Variants in ACSM4 observed in about 807,000 individuals in gnomAD.
ACSM4 encodes acyl-coenzyme A synthetase ACSM4, mitochondrial.
A neutral mutation model predicts 73.0 loss-of-function variants in ACSM4; 66 were observed. That is an observed-to-expected ratio of 0.90 (90% confidence interval 0.74 to 1.11). The LOEUF (loss-of-function observed/expected upper bound fraction) is 1.11. ACSM4 is among the 50% of genes least tolerant of loss of function. ACSM4 has a pLI of 0.00. For missense variants in ACSM4, 645 were observed against 714.4 expected, an observed-to-expected ratio of 0.90 and a Z score of 1.11; for synonymous variants, 222 against 254.0, an observed-to-expected ratio of 0.87 and a Z score of 1.20.
Position 7,328,455 on chromosome 12 carries a change from C to A in ACSM4, c.*82C>A. On this transcript the variant is annotated 3_prime_UTR_variant, in exon 13 of 13. Coordinates refer to ENST00000399422, the MANE Select transcript of ACSM4 (RefSeq NM_001080454.2). ...GTTCCGATAATTCAGCGACTACTCTCTTAAAATGTTTAAGATCTTTCCTGC... is the reference window on the plus strand; with the variant it reads ...GTTCCGATAATTCAGCGACTACTCTATTAAAATGTTTAAGATCTTTCCTGC... The A allele has an allele frequency of 1.8e-6, 2 of 1,083,492 alleles. No individual in the cohort carries two copies. The highest frequency in any genetic ancestry group is 2.5e-6 in the Non-Finnish European group (2 of 793,678). The allele number at this position is 1,083,492 out of a possible 1,614,324, so 67.1% of individuals were successfully genotyped here.
intron 5 of ACSM4, among the ~76,000 whole-genome samples, chr12:7,320,143 T>A (rs778326487): frequency 1.3e-5 from 2 of 152,310 alleles, no homozygotes; most frequent in South Asian, 4.1e-4. Context: ...GGAGGAGCTC[T>A]AAAACATTAG....
chr12:7,328,235 C>T (rs887689463), intron 12 of ACSM4, 52 bp from the exon 13 acceptor site: 9 of 1,402,498 alleles, frequency 6.4e-6, no homozygotes, highest in Non-Finnish European at 8.8e-6. Context: ...ATCGCACGGA[C>T]AATTGGAAGG....
At chr12:7,308,050 GGT>G (rs781263529) in intron 2 of ACSM4, among the ~76,000 whole-genome samples, 6 of 152,090 alleles carry the variant, frequency 3.9e-5, no homozygotes, top group Non-Finnish European at 8.8e-5. Context: ...GCTTAGTTGA[GGT>G]GTGTGTGTAT....
intron 5 of ACSM4, chr12:7,318,408 T>G: frequency 2.0e-6 from 1 of 498,040 alleles, no homozygotes; most frequent in Admixed American, 3.7e-5. Flanking sequence ...CTGCTTCAAA[T>G]AGCTCAGGAT....
rs767738150 is a variant in ACSM4, at chr12:7,304,319, T to C, written c.-13T>C. 6.2e-7 allele frequency: 1 copy of C among 1,613,588 alleles called. No individual in the cohort carries two copies. The highest frequency in any genetic ancestry group is 1.1e-5 in the South Asian group (1 of 91,066). On this transcript the variant is annotated 5_prime_UTR_variant, in exon 1 of 13. Coordinates refer to ENST00000399422, the MANE Select transcript of ACSM4 (RefSeq NM_001080454.2). ...TCTGTGTCCATAGCAGTAGACAAAG[T>C]CCTTTGGGAACCATGAAGATTTTTT...
At chr12:7,306,408 A>G in intron 1 of ACSM4, 125 bp from the exon 2 acceptor site, 2 of 877,894 alleles carry the variant, frequency 2.3e-6, no homozygotes. Flanking sequence ...CTCAAAGACG[A>G]ACTCAGGGCG....
In ACSM4 at chr12:7,322,410, C is replaced by A. The variant is rs1447498493; in HGVS notation, c.1002-8C>A. ...CTTGAAAAGACCCATGCAACTCTGT[C>A]TCTCCAGATATAAATTCAAGAGTCT... On this transcript the variant is annotated splice_polypyrimidine_tract_variant and splice_region_variant and intron_variant, in intron 6 of 12. Transcript: ENST00000399422. The A allele has an allele frequency of 2.5e-6, 4 of 1,613,484 alleles. No individual in the cohort carries two copies. The Admixed American group carries it at 5.0e-5, about 20-fold the overall frequency.
intron 3 of ACSM4, among the ~76,000 whole-genome samples, chr12:7,313,546 G>T (rs1946402316): frequency 6.6e-6 from 1 of 152,222 alleles, no homozygotes; most frequent in Non-Finnish European, 1.5e-5. Flanking sequence ...AAGTATAGAA[G>T]TCCATTAACA....
At chr12:7,311,725 T>TG (rs1351450940) in intron 3 of ACSM4, among the ~76,000 whole-genome samples, 1 of 152,080 alleles carries the variant, frequency 6.6e-6, no homozygotes, top group Non-Finnish European at 1.5e-5. Flanking sequence ...GGGTCTCACT[T>TG]TGTCACCCAG....
Position 7,324,578 on chromosome 12 carries a change from C to G in ACSM4, c.1516C>G (p.Pro506Ala), listed in dbSNP as rs1339517745. 1 of 1,613,816 alleles carries G rather than the reference C, an allele frequency of 6.2e-7. No individual in the cohort carries two copies. Among genetic ancestry groups the G allele is most frequent in the South Asian group, 1.1e-5 (1 of 91,070 alleles). ...AVVESAVVSS[P>A]DQIRGEVVKA... ...TGTTGAATCGGCTGTTGTCAGTAGT[C>G]CAGATCAAATCCGCGGAGAGGTAGA... The change falls in exon 11 of 13, where the codon CCA (proline) becomes GCA (alanine). Residue 506 changes from proline (P) to alanine (A), a missense_variant. Pro to Ala is a conservative substitution (Grantham distance 27). Coordinates refer to ENST00000399422, the MANE Select transcript of ACSM4 (RefSeq NM_001080454.2).
rs963502138 is a variant in ACSM4 at position 7,307,469 on chromosome 12, C to CA, written c.412+734dup. On this transcript the variant is annotated intron_variant, in intron 2 of 12. Transcript: ENST00000399422. Reference sequence around the variant, plus strand: ...CTGAATATATTTGGATTCTCCCTAACAAAAAAAAGATACAACAAGAAGAAA... The same window carrying CA: ...CTGAATATATTTGGATTCTCCCTAACAAAAAAAAAGATACAACAAGAAGAAA... 4.0e-5 allele frequency among the ~76,000 whole-genome samples: 6 copies of CA among 151,544 alleles called. 1 individual carries two copies. Among genetic ancestry groups the CA allele is most frequent in the Non-Finnish European group, 4.4e-5 (3 of 67,810 alleles).
At chr12:7,317,021 C>A in intron 3 of ACSM4, 116 bp from the exon 4 acceptor site, 1 of 1,292,872 alleles carries the variant, frequency 7.7e-7, no homozygotes, top group Non-Finnish European at 1.0e-6. Context: ...GGATTAGGTT[C>A]AGTTCTGTTA....
At chr12:7,324,195 G>A in intron 9 of ACSM4, 78 bp from the exon 10 acceptor site, 3 of 1,530,562 alleles carry the variant, frequency 2.0e-6, no homozygotes, top group Middle Eastern at 2.4e-4. Flanking sequence ...GATGTGTAAT[G>A]TACTAGTCAC....
intron 5 of ACSM4, among the ~76,000 whole-genome samples, chr12:7,320,414 T>C (rs990758300): frequency 5.3e-5 from 8 of 152,206 alleles, no homozygotes; most frequent in African/African-American, 1.9e-4. Context: ...AAGAGGTAAG[T>C]TGTAGCCCTG....
chr12:7,325,397 G>A (rs755185888), intron 11 of ACSM4, among the ~76,000 whole-genome samples: 22 of 152,192 alleles, frequency 1.4e-4, no homozygotes, highest in South Asian at 6.2e-4. Flanking sequence ...CTGTAATCCC[G>A]GCACTTTGGG....
intron 5 of ACSM4, among the ~76,000 whole-genome samples, chr12:7,320,017 C>G (rs1236706387): frequency 6.6e-6 from 1 of 152,198 alleles, no homozygotes; most frequent in East Asian, 1.9e-4. Context: ...AAACATCATA[C>G]TTTATCTGTG....
chr12:7,315,525 T>C (rs1244664855), intron 3 of ACSM4, among the ~76,000 whole-genome samples: 1 of 152,006 alleles, frequency 6.6e-6, no homozygotes, highest in Non-Finnish European at 1.5e-5. Flanking sequence ...GGCAGGAGAA[T>C]TGCTTGAATC....
At chr12:7,315,475 G>A (rs767863225) in intron 3 of ACSM4, among the ~76,000 whole-genome samples, 65 of 152,064 alleles carry the variant, frequency 4.3e-4, no homozygotes, top group South Asian at 8.3e-4. Context: ...GCCGGGTGTC[G>A]TGGTGCATTG....
chr12:7,310,584 T>C lies in ACSM4; in HGVS notation c.458T>C (p.Ile153Thr), dbSNP rs1946384738. ...ACAATCCAGCTGACAGCAAAAGACA[T>C]CCTCTACCGGCTGCGAGCATCCAAG... ...PGTIQLTAKD[I>T]LYRLRASKAK... The change falls in exon 3 of 13, where the codon ATC (isoleucine) becomes ACC (threonine). Residue 153 changes from isoleucine (I) to threonine (T), a missense_variant. Transcript: ENST00000399422. The C allele has an allele frequency of 6.2e-7, 1 of 1,611,818 alleles. No homozygotes were observed. Among genetic ancestry groups the C allele is most frequent in the East Asian group, 2.2e-5 (1 of 44,728 alleles).
Sources: gnomAD v4.1 joint callset for allele counts (sites outside exome capture counted in the v4.1 genomes callset) on GRCh38, gnomAD v4.1.1 for gene constraint, MANE v1.5 for transcripts, NCBI Gene and HGNC (gene_info 2026-07-23, HGNC 2026-07-21) for gene names.